SARDH: variants seen among roughly 807,000 people sequenced by gnomAD.
SARDH encodes the protein sarcosine dehydrogenase, mitochondrial.
A neutral mutation model predicts 109.1 loss-of-function variants in SARDH; 95 were observed. The observed-to-expected ratio is 0.87, with a 90% CI of 0.74 to 1.03. The LOEUF is 1.03. SARDH is among the 50% of genes least tolerant of loss of function. The pLI, the probability that SARDH is intolerant of heterozygous loss-of-function variation, is 0.00. For missense variants in SARDH, 1,267 were observed against 1,287.8 expected (o/e 0.98, Z 0.25); for synonymous variants, 572 against 534.8 (o/e 1.07, Z -0.96).
chr9:133,667,798 G>C (rs1399402562), intron 19 of SARDH, among the ~76,000 whole-genome samples: 1 of 152,170 alleles, frequency 6.6e-6, no homozygotes, highest in African/African-American at 2.4e-5. Context: ...ATTAGGACGA[G>C]GCTGGAAGGA....
chr9:133,703,171 G>A (rs1831556856), intron 12 of SARDH, 142 bp from the exon 13 acceptor site: 1 of 700,756 alleles, frequency 1.4e-6, no homozygotes, highest in Non-Finnish European at 2.4e-6. Flanking sequence ...CCCGTGTGTT[G>A]TGGACGCGGG....
At chr9:133,698,236 C>T (rs1831361001) in intron 13 of SARDH, among the ~76,000 whole-genome samples, 1 of 151,964 alleles carries the variant, frequency 6.6e-6, no homozygotes, top group African/African-American at 2.4e-5. Context: ...AAACTTATAT[C>T]CTAAAATCTA....
intron 10 of SARDH, among the ~76,000 whole-genome samples, chr9:133,711,676 G>A (rs903523412): frequency 3.9e-5 from 6 of 152,168 alleles, no homozygotes; most frequent in African/African-American, 1.2e-4. Flanking sequence ...GGCGAGGGGC[G>A]CACCGAGCTG....
intron 13 of SARDH, among the ~76,000 whole-genome samples, chr9:133,696,579 C>T (rs1177154733): frequency 6.6e-6 from 1 of 152,106 alleles, no homozygotes; most frequent in Admixed American, 6.6e-5. Flanking sequence ...TATGCTAAGC[C>T]ACAAAATAAG....
chr9:133,731,281 C>T (rs1002604627), intron 4 of SARDH, 24 bp downstream of exon 4: 2 of 1,612,212 alleles, frequency 1.2e-6, no homozygotes, highest in African/African-American at 1.3e-5. Flanking sequence ...AACAGGGGAC[C>T]CAGAGCCAGG....
chr9:133,710,708 A>G (rs1353953729), intron 10 of SARDH, among the ~76,000 whole-genome samples: 1 of 152,242 alleles, frequency 6.6e-6, no homozygotes, highest in Non-Finnish European at 1.5e-5. Flanking sequence ...GTCTTGTCTC[A>G]GTCCCCGGGC....
chr9:133,659,831 C>T (rs1832389222), downstream of SARDH, among the ~76,000 whole-genome samples: 1 of 152,148 alleles, frequency 6.6e-6, no homozygotes, highest in South Asian at 2.1e-4. Context: ...GCCTAGGTGA[C>T]AGTAGACACG....
chr9:133,738,232 C>T (rs1832948339), intron 1 of SARDH, 22 bp downstream of exon 1: 1 of 152,552 alleles, frequency 6.6e-6, no homozygotes, highest in Non-Finnish European at 1.5e-5. Flanking sequence ...TCGTCCCTCC[C>T]TGGGGGTGTA....
In SARDH at chr9:133,733,743, G is replaced by A. The variant is rs1451812670; in HGVS notation, c.331+100C>T. On this transcript the variant is annotated intron_variant, in intron 2 of 20. Transcript: ENST00000439388. ...CCCTTCCCCAGGGTCTCTTCCCCAG[G>A]CTGGTTGTTGTGAACCAAGAACTGT... 3.4e-6 allele frequency: 4 copies of A among 1,188,020 alleles called. No individual in the cohort carries two copies. The South Asian group carries it at 6.1e-5, about 18-fold the overall frequency. The allele number at this position is 1,188,020 out of a possible 1,614,324, so 73.6% of individuals were successfully genotyped here. A position where few individuals can be genotyped will look rare whatever the true frequency, so the allele number is the denominator to read the frequency against.
intron 13 of SARDH, among the ~76,000 whole-genome samples, chr9:133,701,476 G>T (rs116753788): frequency 0.012 from 1,834 of 152,358 alleles, 36 homozygotes; most frequent in African/African-American, 0.041. Flanking sequence ...CTAGCAGGCC[G>T]GGGAAGCTGC....
intron 8 of SARDH, among the ~76,000 whole-genome samples, chr9:133,715,671 C>T (rs1237379237): frequency 6.6e-6 from 1 of 152,170 alleles, no homozygotes; most frequent in Non-Finnish European, 1.5e-5. Context: ...GGGCCCTCAT[C>T]CGCTCCCTGC....
chr9:133,702,228 G>C (rs549930734), intron 13 of SARDH, among the ~76,000 whole-genome samples: 1 of 152,236 alleles, frequency 6.6e-6, no homozygotes, highest in Non-Finnish European at 1.5e-5. Context: ...GCTCCTTCCC[G>C]GACAGCTGCG....
In SARDH at chr9:133,670,586, C is replaced by T; in HGVS notation, c.2493G>A (p.Glu831=). ...GCGTGGAACAGCGGGATACTCACTC[C>T]TCCATGGTGAAGCACACCAGGCGCC... ...LRRRLVCFTM[E]DKVPMFGLEA... is the part of the protein sequence containing the mutation. The change falls in exon 19 of 21, where the codon GAG becomes GAA. Residue 831 remains glutamate, a splice_region_variant and synonymous_variant. Coordinates refer to ENST00000439388, the MANE Select transcript of SARDH (RefSeq NM_001134707.2). 1 of 1,571,898 alleles carries T rather than the reference C, an allele frequency of 6.4e-7. No homozygotes were observed. Among genetic ancestry groups the T allele is most frequent in the Non-Finnish European group, 8.6e-7 (1 of 1,158,776 alleles).
At chr9:133,703,377 G>GCCCAGCTCCTGCTCTGGGCCAGC (rs1831565445) in intron 12 of SARDH, 2 of 332,220 alleles carry the variant, frequency 6.0e-6, no homozygotes, top group Non-Finnish European at 1.1e-5. Context: ...GCAATCCCAG[G>GCCCAGCTCCTGCTCTGGGCCAGC]CCCAGCTCCT....
chr9:133,698,656 G>A (rs1831372951), intron 13 of SARDH, among the ~76,000 whole-genome samples: 1 of 152,164 alleles, frequency 6.6e-6, no homozygotes, highest in South Asian at 2.1e-4. Context: ...CAACAAGGGT[G>A]CCAAGACAAT....
chr9:133,734,276 T>A (rs1832791058), intron 1 of SARDH, 73 bp from the exon 2 acceptor site: 5 of 1,068,932 alleles, frequency 4.7e-6, no homozygotes, highest in Non-Finnish European at 6.4e-6. Context: ...CCCAGGGAAA[T>A]AAGGGCCCTA....
At chr9:133,719,131 C>T in intron 6 of SARDH, 89 bp from the exon 7 acceptor site, 1 of 1,078,034 alleles carries the variant, frequency 9.3e-7, no homozygotes, top group Non-Finnish European at 1.4e-6. Flanking sequence ...GCACCTCCAC[C>T]CAGGGTCACG....
intron 16 of SARDH, among the ~76,000 whole-genome samples, chr9:133,687,015 A>G (rs537152302): frequency 2.0e-5 from 3 of 152,310 alleles, no homozygotes; most frequent in South Asian, 4.1e-4. Context: ...CTATGGGCTC[A>G]GCAACCTCAG....
chr9:133,734,157 C>T lies in SARDH; in HGVS notation c.17G>A (p.Arg6Gln), dbSNP rs757027231. ...GTGGGCAGCAGCCACACGTAGGGCT[C>T]GGCTCAGTGAGGCCATGGGGGCTCC... MASLS[R>Q]ALRVAAAHPR... The change falls in exon 2 of 21, where the codon CGA becomes CAA. Residue 6 changes from arginine (R) to glutamine (Q), a missense_variant. By Grantham distance (43) the Arg-to-Gln change is conservative. Transcript: ENST00000439388. The T allele has an allele frequency of 2.7e-5, 43 of 1,597,832 alleles. No homozygotes were observed. Among genetic ancestry groups the T allele is most frequent in the African/African-American group, 2.5e-4 (19 of 74,746 alleles).
Sources: gnomAD v4.1 joint callset for allele counts (sites outside exome capture counted in the v4.1 genomes callset) on GRCh38, gnomAD v4.1.1 for gene constraint, MANE v1.5 for transcripts, NCBI Gene and HGNC (gene_info 2026-07-23, HGNC 2026-07-21) for gene names.